Variants in SNRK observed in about 807,000 individuals in gnomAD.
SNRK encodes the protein SNF-related serine/threonine-protein kinase.
Under a neutral mutation model 48.2 loss-of-function variants are expected in SNRK, and 3 were observed. That is an observed-to-expected ratio of 0.06 (90% CI 0.03 to 0.16). The LOEUF (loss-of-function observed/expected upper bound fraction) is 0.16. Among genes scored for constraint, SNRK ranks in the 10% least tolerant of loss-of-function variants. The pLI is 1.00. For synonymous variants in SNRK, 376 were observed against 366.1 expected (o/e 1.03, Z -0.31); for missense variants, 627 against 976.0 (o/e 0.64, Z 4.76).
rs377372127 is a variant in SNRK, at chr3:43,347,392, C to T, written c.1133C>T (p.Thr378Met). The change falls in exon 7 of 7, where the codon ACG (threonine) becomes ATG (methionine). Residue 378 changes from threonine (T) to methionine (M), a missense_variant. Coordinates refer to ENST00000296088, the MANE Select transcript of SNRK (RefSeq NM_017719.5). This position sits in a 1 kb window ranked among gnomAD's most constrained non-coding sequence, Gnocchi z 5.4. The part of the protein sequence containing the change: ...DVPQDLEDDL[T>M]ATPLSHATVP... ...CCCCAGGACCTTGAGGATGACCTCA[C>T]GGCCACTCCTTTGTCCCACGCGACT... is the stretch of plus-strand genomic sequence containing the variant. 5 of 1,610,036 alleles carry T rather than the reference C, an allele frequency of 3.1e-6. No homozygotes were observed. Among genetic ancestry groups the T allele is most frequent in the African/African-American group, 1.3e-5 (1 of 74,814 alleles).
At chr3:43,319,667 G>A (rs1025924495) in intron 3 of SNRK, among the ~76,000 whole-genome samples, 14 of 152,120 alleles carry the variant, frequency 9.2e-5, no homozygotes. Flanking sequence ...TTTATATTTT[G>A]TCAGTGTCCT....
chr3:43,333,927 C>G (rs919670889), intron 4 of SNRK, among the ~76,000 whole-genome samples: 1 of 152,104 alleles, frequency 6.6e-6, no homozygotes, highest in African/African-American at 2.4e-5. Flanking sequence ...ACAGGCAGAT[C>G]ACAAGATCAG....
intron 5 of SNRK, 163 bp from the exon 6 acceptor site, chr3:43,343,181 A>G (rs1487176445): frequency 3.7e-6 from 3 of 814,010 alleles, no homozygotes; most frequent in Non-Finnish European, 5.5e-6. Context: ...TGAGTGACCT[A>G]AATAACTACT....
Position 43,349,967 on chromosome 3 carries a change from C to T in SNRK, c.*1410C>T, listed in dbSNP as rs867665974. On this transcript the variant is annotated 3_prime_UTR_variant, in exon 7 of 7. Transcript: ENST00000296088. ...ATGTGTCTGAGGTGACGGACTGAGA[C>T]GCATCTGGTCCTGTAATTCAGAGAG... is the stretch of plus-strand genomic sequence containing the variant. The T allele has an allele frequency of 6.6e-6, 1 of 152,278 alleles. No individual in the cohort carries two copies. The allele number at this position is 152,278 out of a possible 1,614,324, so 9.4% of individuals were successfully genotyped here. A position where few individuals can be genotyped will look rare whatever the true frequency, so the allele number is the denominator to read the frequency against.
intron 4 of SNRK, among the ~76,000 whole-genome samples, chr3:43,338,774 C>G (rs55864645): frequency 0.025 from 3,818 of 152,032 alleles, 164 homozygotes; most frequent in African/African-American, 0.085. Context: ...TTTAGTTACA[C>G]TGATTATTTT....
In SNRK at chr3:43,347,866, C is replaced by T. The variant is rs2091289450; in HGVS notation, c.1607C>T (p.Ser536Phe). 6.2e-7 allele frequency: 1 copy of T among 1,614,040 alleles called. No homozygotes were observed. Among genetic ancestry groups the T allele is most frequent in the African/African-American group, 1.3e-5 (1 of 74,926 alleles). Residue 536 changes from serine (S) to phenylalanine (F), a missense_variant, in exon 7 of 7, where the codon TCC becomes TTC. Physicochemically the swap from Ser to Phe is radical, Grantham distance 155 (BLOSUM62 -2). Transcript: ENST00000296088. The surrounding 1 kb of genome is among the most constrained non-coding windows in gnomAD (Gnocchi z 5.4). ...YHRRKSQGRG[S>F]SCSSSETSDD... ...CGGAGGAAAAGTCAGGGCCGGGGCT[C>T]CAGCTGCAGTAGTTCGGAGACCAGT...
chr3:43,323,155 A>G (rs1251334345), intron 3 of SNRK, among the ~76,000 whole-genome samples: 2 of 152,094 alleles, frequency 1.3e-5, no homozygotes, highest in African/African-American at 4.8e-5. Context: ...ATGAACCTTG[A>G]TCAGTACCTC....
intron 5 of SNRK, among the ~76,000 whole-genome samples, chr3:43,341,394 G>A (rs557948636): frequency 1.2e-4 from 19 of 152,158 alleles, no homozygotes; most frequent in African/African-American, 2.6e-4. Context: ...CTCGTGATCC[G>A]CCCGCCTTGG....
intron 3 of SNRK, among the ~76,000 whole-genome samples, chr3:43,328,924 G>T (rs1353511503): frequency 6.6e-6 from 1 of 152,174 alleles, no homozygotes; most frequent in East Asian, 1.9e-4. Context: ...AAGCAGGGCA[G>T]GGCAGCAGCA....
chr3:43,319,928 T>A (rs2091041291), intron 3 of SNRK, among the ~76,000 whole-genome samples: 3 of 152,222 alleles, frequency 2.0e-5, no homozygotes, highest in Non-Finnish European at 2.9e-5. Flanking sequence ...TGGGTTAGTT[T>A]CAGAGGTGTT....
At chr3:43,319,402 G>A (rs939319711) in intron 3 of SNRK, among the ~76,000 whole-genome samples, 2 of 152,176 alleles carry the variant, frequency 1.3e-5, no homozygotes, top group African/African-American at 2.4e-5. Flanking sequence ...GACGCTCTTC[G>A]TAGATATATC....
intron 4 of SNRK, among the ~76,000 whole-genome samples, chr3:43,337,042 G>A (rs1286912211): frequency 3.9e-5 from 6 of 152,076 alleles, no homozygotes; most frequent in South Asian, 2.1e-4. Context: ...ATGAGCCACC[G>A]CGCCTGGCCA....
intron 3 of SNRK, among the ~76,000 whole-genome samples, chr3:43,330,138 A>T (rs1463708654): frequency 6.6e-6 from 1 of 152,222 alleles, no homozygotes; most frequent in East Asian, 1.9e-4. Flanking sequence ...GTTAGGTATG[A>T]TTATAAGTAG....
chr3:43,301,956 A>G (rs1239432505), intron 2 of SNRK, among the ~76,000 whole-genome samples: 1 of 152,228 alleles, frequency 6.6e-6, no homozygotes, highest in Non-Finnish European at 1.5e-5. Context: ...GTCATTTATA[A>G]ATAGGAACCT....
At chr3:43,330,135 A>G (rs2091135274) in intron 3 of SNRK, among the ~76,000 whole-genome samples, 1 of 152,216 alleles carries the variant, frequency 6.6e-6, no homozygotes, top group Non-Finnish European at 1.5e-5. Context: ...GTGGTTAGGT[A>G]TGATTATAAG....
chr3:43,325,455 G>A (rs76877911), intron 3 of SNRK, among the ~76,000 whole-genome samples: 3,805 of 152,172 alleles, frequency 0.025, 162 homozygotes, highest in African/African-American at 0.085. Context: ...GTGAGCCACC[G>A]TGCCCGGCCC....
chr3:43,350,072 T>C lies in SNRK; in HGVS notation c.*1515T>C, dbSNP rs1220231809. 1.3e-5 allele frequency: 2 copies of C among 152,410 alleles called. No homozygotes were observed. Among genetic ancestry groups the C allele is most frequent in the Admixed American group, 1.3e-4 (2 of 15,286 alleles). The allele number at this position is 152,410 out of a possible 1,614,324, so 9.4% of individuals were successfully genotyped here. A position where few individuals can be genotyped will look rare whatever the true frequency, so the allele number is the denominator to read the frequency against. ...ACTGACTCTGCTACTTTAGGATAAA[T>C]ATATTTTACTCAGAACTCTGAATTT... On this transcript the variant is annotated 3_prime_UTR_variant, in exon 7 of 7. Transcript: ENST00000296088.
At chr3:43,325,412 G>A (rs1231201724) in intron 3 of SNRK, among the ~76,000 whole-genome samples, 1 of 152,146 alleles carries the variant, frequency 6.6e-6, no homozygotes, top group Non-Finnish European at 1.5e-5. Flanking sequence ...TGATCCACCC[G>A]CCTTGGCCTC....
chr3:43,335,529 A>G (rs545851562), intron 4 of SNRK, among the ~76,000 whole-genome samples: 12 of 152,230 alleles, frequency 7.9e-5, no homozygotes, highest in African/African-American at 2.9e-4. Flanking sequence ...TTGTTCTGGA[A>G]AATAGTGTAT....
Sources: allele counts gnomAD v4.1 joint callset (sites outside exome capture counted in the v4.1 genomes callset), GRCh38; gene constraint gnomAD v4.1.1; non-coding constraint Gnocchi (gnomAD v3.1); transcripts MANE v1.5; gene names NCBI Gene and HGNC (gene_info 2026-07-23, HGNC 2026-07-21).